The following RBM33 variants were observed in gnomAD, a reference collection of about 807,000 sequenced individuals.
RBM33 encodes RNA binding motif protein 33, also known as RNA-binding protein 33.
A neutral mutation model predicts 132.6 loss-of-function variants in RBM33; 28 were observed. The ratio of observed to expected loss-of-function variants is 0.21; its 90% CI spans 0.16 to 0.29. The LOEUF (loss-of-function observed/expected upper bound fraction) is 0.29, where lower values mean the gene tolerates loss of function less well. Ranked by LOEUF, RBM33 falls within the 10% of genes least tolerant of loss-of-function variation. RBM33 has a pLI of 1.00. For synonymous variants in RBM33, 634 were observed against 593.0 expected (o/e 1.07, Z -1.01); for missense variants, 1,291 against 1,518.5 (o/e 0.85, Z 2.49).
chr7:155,759,780 C>T (rs1020278121), intron 14 of RBM33, among the ~76,000 whole-genome samples: 5 of 152,160 alleles, frequency 3.3e-5, no homozygotes, highest in African/African-American at 9.7e-5. Flanking sequence ...TAATAACATC[C>T]TCCTTTTGGT....
At chr7:155,688,302 C>T (rs1375703173) in intron 5 of RBM33, among the ~76,000 whole-genome samples, 1 of 152,136 alleles carries the variant, frequency 6.6e-6, no homozygotes, top group Non-Finnish European at 1.5e-5. Flanking sequence ...TATAAGAATG[C>T]TCGTGATTTT....
intron 5 of RBM33, among the ~76,000 whole-genome samples, chr7:155,691,551 T>A (rs978842940): frequency 2.6e-5 from 4 of 152,190 alleles, no homozygotes; most frequent in Non-Finnish European, 5.9e-5. Context: ...ATAATATTTG[T>A]AGCATATCTT....
chr7:155,779,760 T>C lies in RBM33; in HGVS notation c.*4719T>C, dbSNP rs1802749893. ...CCTTGGCTAGAAAATGCTTTTAATGTCTCAACTCTCTCTTTTCTGTGTCAT... is the reference window on the plus strand; with the variant it reads ...CCTTGGCTAGAAAATGCTTTTAATGCCTCAACTCTCTCTTTTCTGTGTCAT... On this transcript the variant is annotated 3_prime_UTR_variant, in exon 18 of 18. Transcript: ENST00000401878. 1 of 152,200 alleles carries C rather than the reference T, an allele frequency of 6.6e-6. No homozygotes were observed. The highest frequency in any genetic ancestry group is 1.5e-5 in the Non-Finnish European group (1 of 68,034). The allele number at this position is 152,200 out of a possible 1,614,324, so 9.4% of individuals were successfully genotyped here.
At chr7:155,738,015 A>G (rs1410779542) in intron 10 of RBM33, 45 bp from the exon 11 acceptor site, 10 of 1,518,478 alleles carry the variant, frequency 6.6e-6, no homozygotes, top group South Asian at 3.6e-5. Context: ...TGAGAAGCAC[A>G]TGGTCTTTTT....
At chr7:155,746,073 C>T (rs1034218608) in intron 14 of RBM33, among the ~76,000 whole-genome samples, 3 of 152,194 alleles carry the variant, frequency 2.0e-5, no homozygotes, top group Admixed American at 6.5e-5. Flanking sequence ...TGTTGTTATG[C>T]GGCACATGCT....
rs1044567629 is a variant in RBM33, at chr7:155,763,809, C to T, written c.2980-3C>T. The stretch of plus-strand genomic sequence containing the variant: ...CAACGTGCTGCCTTCTTGGTTTCAG[C>T]AGGGAGGAGAGAGCGATGGCTTTTT... On this transcript the variant is annotated splice_region_variant and splice_polypyrimidine_tract_variant and intron_variant, in intron 14 of 17. Coordinates refer to ENST00000401878, the MANE Select transcript of RBM33 (RefSeq NM_053043.3). 1.2e-6 allele frequency: 2 copies of T among 1,607,452 alleles called. No individual in the cohort carries two copies. Among genetic ancestry groups the T allele is most frequent in the African/African-American group, 1.3e-5 (1 of 74,964 alleles).
chr7:155,725,034 G>A (rs1198257746), intron 9 of RBM33, among the ~76,000 whole-genome samples: 1 of 141,844 alleles, frequency 7.1e-6, no homozygotes, highest in Non-Finnish European at 1.5e-5. Context: ...GTGTGTGTGT[G>A]TGTACAGATT....
At chr7:155,653,601 G>A (rs1175299737) in intron 1 of RBM33, among the ~76,000 whole-genome samples, 1 of 152,116 alleles carries the variant, frequency 6.6e-6, no homozygotes, top group Admixed American at 6.5e-5. Context: ...GGAGATTGGT[G>A]GTAATCACCA....
At chr7:155,694,540 C>A (rs539139831) in intron 5 of RBM33, among the ~76,000 whole-genome samples, 1 of 152,196 alleles carries the variant, frequency 6.6e-6, no homozygotes, top group South Asian at 2.1e-4. Flanking sequence ...AGTTACCATC[C>A]CTTGGTTGAT....
intron 5 of RBM33, among the ~76,000 whole-genome samples, chr7:155,688,189 C>T (rs1279669845): frequency 5.9e-5 from 9 of 152,240 alleles, no homozygotes; most frequent in Non-Finnish European, 1.0e-4. Flanking sequence ...AGAGATCCTT[C>T]ACATCCCTTG....
intron 16 of RBM33, among the ~76,000 whole-genome samples, chr7:155,768,486 C>T (rs1802296446): frequency 6.6e-6 from 1 of 152,194 alleles, no homozygotes; most frequent in Admixed American, 6.5e-5. Context: ...AGTGTCGAGT[C>T]TCTGTCTCTT....
intron 5 of RBM33, among the ~76,000 whole-genome samples, chr7:155,695,663 G>A (rs1332458381): frequency 1.3e-5 from 2 of 152,134 alleles, no homozygotes; most frequent in South Asian, 2.1e-4. Flanking sequence ...GTTTCACCAC[G>A]TTGGCCAAGC....
At chr7:155,756,596 G>A (rs1027261790) in intron 14 of RBM33, among the ~76,000 whole-genome samples, 9 of 152,060 alleles carry the variant, frequency 5.9e-5, no homozygotes, top group African/African-American at 2.2e-4. Context: ...CACTCCTCTC[G>A]TGGTGCACTC....
At position 155,741,799 on chromosome 7, in the gene RBM33, C is replaced by G. The variant is rs1554483022; in HGVS notation, c.2050-20C>G. On this transcript the variant is annotated intron_variant, in intron 12 of 17. Transcript: ENST00000401878. The stretch of plus-strand genomic sequence containing the variant: ...CCAAGTTTCCACTTACAATTAGAAT[C>G]TCTTTCTTTTTGTGAAAAGAATACA... 1.3e-6 allele frequency: 2 copies of G among 1,589,462 alleles called. No homozygotes were observed. The highest frequency in any genetic ancestry group is 2.2e-5 in the South Asian group (2 of 89,708).
Position 155,739,873 on chromosome 7 carries a change from G to GCACCAGCAC in RBM33, c.1902_1910dup (p.Gln634_His636dup), listed in dbSNP as rs1563169710. 1.5e-6 allele frequency: 2 copies of GCACCAGCAC among 1,336,164 alleles called. No homozygotes were observed. The highest frequency in any genetic ancestry group is 2.0e-6 in the Non-Finnish European group (2 of 1,015,634). The allele number at this position is 1,336,164 out of a possible 1,614,324, so 82.8% of individuals were successfully genotyped here. ...AGCACCCACCACAGCACCCGCCGCA[G>GCACCAGCAC]CACCAGCACCACCACCACCACCACC... On this transcript the variant is annotated inframe_insertion, in exon 12 of 18. Coordinates refer to ENST00000401878, the MANE Select transcript of RBM33 (RefSeq NM_053043.3).
chr7:155,723,924 A>G (rs1345033536), intron 9 of RBM33, among the ~76,000 whole-genome samples: 2 of 152,190 alleles, frequency 1.3e-5, no homozygotes, highest in Non-Finnish European at 2.9e-5. Context: ...TTATTGGCTA[A>G]GTAAATCTGT....
intron 16 of RBM33, among the ~76,000 whole-genome samples, chr7:155,769,028 A>G: frequency 6.6e-6 from 1 of 152,196 alleles, no homozygotes; most frequent in East Asian, 1.9e-4. Context: ...TCCTTAAACT[A>G]CATTAATAAG....
intron 1 of RBM33, among the ~76,000 whole-genome samples, chr7:155,649,106 C>G (rs1798285498): frequency 6.6e-6 from 1 of 152,044 alleles, no homozygotes; most frequent in Admixed American, 6.5e-5. Context: ...TTTGTTTTCT[C>G]CTTCTGGGAC....
rs374911593 is a variant in RBM33 at position 155,707,145 on chromosome 7, A to G, written c.948+77A>G. The G allele has an allele frequency of 2.8e-5, 33 of 1,199,928 alleles. No individual in the cohort carries two copies. In the East Asian group the frequency reaches 2.8e-4, roughly 10 times the overall value. The allele number at this position is 1,199,928 out of a possible 1,614,324, so 74.3% of individuals were successfully genotyped here. A position where few individuals can be genotyped will look rare whatever the true frequency, so the allele number is the denominator to read the frequency against. ...TAAGCTTTTGTGGGTATCCTAGTAT[A>G]CATTTCTCTCTTCTTAGTCTGAAAT... is the stretch of plus-strand genomic sequence containing the variant. On this transcript the variant is annotated intron_variant, in intron 7 of 17. Coordinates refer to ENST00000401878, the MANE Select transcript of RBM33 (RefSeq NM_053043.3).
Sources: gnomAD v4.1 joint callset for allele counts (sites outside exome capture counted in the v4.1 genomes callset) on GRCh38, gnomAD v4.1.1 for gene constraint, MANE v1.5 for transcripts, NCBI Gene and HGNC (gene_info 2026-07-23, HGNC 2026-07-21) for gene names.